The following NEMF variants were observed in gnomAD, a reference collection of about 807,000 sequenced individuals.
NEMF encodes ribosome quality control complex subunit NEMF.
Under a neutral mutation model 162.2 loss-of-function variants are expected in NEMF, and 89 were observed. The observed-to-expected ratio is 0.55, with a 90% CI of 0.46 to 0.65. NEMF has a LOEUF of 0.65. Ranked by LOEUF, NEMF falls within the 30% of genes least tolerant of loss-of-function variation. The pLI is 0.00. For missense variants in NEMF, 1,133 were observed against 1,261.9 expected, an observed-to-expected ratio of 0.90 and a Z score of 1.55; for synonymous variants, 421 against 404.5, an observed-to-expected ratio of 1.04 and a Z score of -0.49.
chr14:49,814,872 G>GA lies in NEMF; in HGVS notation c.1578-16dup, dbSNP rs1347603789. The GA allele has an allele frequency of 1.4e-6, 2 of 1,454,242 alleles. No homozygotes were observed. Among genetic ancestry groups the GA allele is most frequent in the Admixed American group, 2.2e-5 (1 of 45,702 alleles). 90.1% of individuals were successfully genotyped at this position (1,454,242 alleles called of 1,614,324 possible). ...ATTTCTCAAACCTATCAAAATGAAA[G>GA]AAAAAAAGTTAACTTTTCTTTATAG... On this transcript the variant is annotated splice_polypyrimidine_tract_variant and intron_variant, in intron 16 of 32. Coordinates refer to ENST00000298310, the MANE Select transcript of NEMF (RefSeq NM_004713.6).
Position 49,791,064 on chromosome 14 carries a change from A to G in NEMF, c.2620-1491T>C, listed in dbSNP as rs58381105. On this transcript the variant is annotated intron_variant, in intron 26 of 32. Transcript: ENST00000298310. ...AAGCATGAGCCTTCTGGCTGGGCGCAGTGGCTCACGCCTGTAATCCCAGCA... is the reference window on the plus strand; with the variant it reads ...AAGCATGAGCCTTCTGGCTGGGCGCGGTGGCTCACGCCTGTAATCCCAGCA... Among the ~76,000 whole-genome samples the G allele has an allele frequency of 1.0e-3, 152 of 152,190 alleles. No individual in the cohort carries two copies. The East Asian group carries it at 0.023, about 23-fold the overall frequency.
At chr14:49,850,033 A>G (rs1893694727) in intron 3 of NEMF, among the ~76,000 whole-genome samples, 1 of 152,184 alleles carries the variant, frequency 6.6e-6, no homozygotes, top group African/African-American at 2.4e-5. Flanking sequence ...ATACATTGCC[A>G]AAGTAAGGAG....
At chr14:49,802,833 T>C in intron 20 of NEMF, 106 bp from the exon 21 acceptor site, 2 of 763,492 alleles carry the variant, frequency 2.6e-6, no homozygotes, top group East Asian at 2.5e-5. Flanking sequence ...GTCATATCCA[T>C]TTTGTCTTTT....
chr14:49,790,854 G>A (rs1397252473), intron 26 of NEMF, among the ~76,000 whole-genome samples: 2 of 152,096 alleles, frequency 1.3e-5, no homozygotes, highest in Admixed American at 6.5e-5. Context: ...TTAGCCAGGC[G>A]TGGTGGTGCA....
At chr14:49,806,398 T>C (rs1375893559) in intron 18 of NEMF, among the ~76,000 whole-genome samples, 9 of 148,894 alleles carry the variant, frequency 6.0e-5, no homozygotes, top group Admixed American at 2.7e-4. Context: ...GTAGCTGCAA[T>C]TACCAGCGCC....
chr14:49,789,517 T>A lies in NEMF; in HGVS notation c.2676A>T (p.Glu892Asp). ...TTACCCCCAGCAACTTCATGATAAGTTCACGGTCTTCTTCATCCTGGTCTT... is the reference window on the plus strand; with the variant it reads ...TTACCCCCAGCAACTTCATGATAAGATCACGGTCTTCTTCATCCTGGTCTT... ...KYKDQDEEDR[E>D]LIMKLLGSAG... Residue 892 changes from glutamate to aspartate, a missense_variant, in exon 27 of 33, where the codon GAA (glutamate) becomes GAT (aspartate). Glu to Asp is a conservative substitution (Grantham distance 45). Coordinates refer to ENST00000298310, the MANE Select transcript of NEMF (RefSeq NM_004713.6). 9.9e-6 allele frequency: 16 copies of A among 1,612,556 alleles called. No individual in the cohort carries two copies. The highest frequency in any genetic ancestry group is 1.4e-5 in the Non-Finnish European group (16 of 1,179,688).
chr14:49,816,624 A>G (rs1035911799), intron 16 of NEMF, among the ~76,000 whole-genome samples: 1 of 152,256 alleles, frequency 6.6e-6, no homozygotes, highest in Non-Finnish European at 1.5e-5. Context: ...GCTGGCTGAC[A>G]CTTAAGGAAA....
intron 26 of NEMF, among the ~76,000 whole-genome samples, chr14:49,793,228 G>T (rs1890537502): frequency 6.6e-6 from 1 of 151,998 alleles, no homozygotes; most frequent in Admixed American, 6.6e-5. Flanking sequence ...AAAATAAAAA[G>T]ATATTAAGAC....
intron 16 of NEMF, 132 bp downstream of exon 16, chr14:49,825,735 C>A (rs1044242122): frequency 1.6e-6 from 1 of 622,488 alleles, no homozygotes; most frequent in South Asian, 2.1e-5. Context: ...CTGTCTCAAA[C>A]AAACCAACAA....
intron 25 of NEMF, among the ~76,000 whole-genome samples, chr14:49,798,362 A>C (rs1416233742): frequency 6.6e-6 from 1 of 152,202 alleles, no homozygotes; most frequent in African/African-American, 2.4e-5. Context: ...TCACTCATTG[A>C]TTTACCAAAA....
chr14:49,834,062 AT>A (rs754084178), intron 7 of NEMF: 7,473 of 383,272 alleles, frequency 0.019, no homozygotes, highest in South Asian at 0.031. Context: ...ATCTCATTCA[AT>A]TTTTTTTTTT....
chr14:49,782,783 C>A lies in NEMF; in HGVS notation c.*1853G>T, dbSNP rs188187880. ...GTAGTTTTTCAAGTGAATGTACTTC[C>A]AAACAGTAAAGTGAAATTACTTTTC... is the stretch of plus-strand genomic sequence containing the variant. On this transcript the variant is annotated 3_prime_UTR_variant, in exon 33 of 33. Transcript: ENST00000298310. 1,047 of 1,584,596 alleles carry A rather than the reference C, an allele frequency of 6.6e-4. 6 individuals are homozygous for A. The African/African-American group carries it at 0.013, about 20-fold the overall frequency.
Position 49,782,361 on chromosome 14 carries a change from T to C in NEMF, c.*2275A>G, listed in dbSNP as rs781738751. 6.9e-6 allele frequency: 11 copies of C among 1,596,066 alleles called. No homozygotes were observed. The Admixed American group carries it at 1.2e-4, about 18-fold the overall frequency. ...GGTGGCTTCAAACTCGTTTTTGTTT[T>C]AAATGCAGGTTATGGCACACAGCTT... On this transcript the variant is annotated 3_prime_UTR_variant, in exon 33 of 33. Coordinates refer to ENST00000298310, the MANE Select transcript of NEMF (RefSeq NM_004713.6).
At chr14:49,808,184 T>C (rs1891310429) in intron 18 of NEMF, among the ~76,000 whole-genome samples, 1 of 151,936 alleles carries the variant, frequency 6.6e-6, no homozygotes, top group Non-Finnish European at 1.5e-5. Flanking sequence ...TTATTTATTT[T>C]ATTTTTTGAG....
intron 16 of NEMF, among the ~76,000 whole-genome samples, chr14:49,817,502 C>T (rs1027751654): frequency 9.2e-5 from 14 of 152,056 alleles, no homozygotes; most frequent in Non-Finnish European, 8.8e-5. Flanking sequence ...AAAGAAAGCT[C>T]ATCTAGTTAC....
chr14:49,787,932 T>A (rs894441361), intron 28 of NEMF, among the ~76,000 whole-genome samples: 3 of 152,048 alleles, frequency 2.0e-5, no homozygotes, highest in Non-Finnish European at 4.4e-5. Context: ...ATAAAAAAAA[T>A]GCTGGTGACA....
At chr14:49,792,384 G>A (rs1185390980) in intron 26 of NEMF, among the ~76,000 whole-genome samples, 1 of 152,026 alleles carries the variant, frequency 6.6e-6, no homozygotes, top group African/African-American at 2.4e-5. Context: ...GCTAATTTTT[G>A]TATTTTTAAT....
chr14:49,791,735 T>TAAA (rs10586126), intron 26 of NEMF, among the ~76,000 whole-genome samples: 19 of 141,110 alleles, frequency 1.3e-4, no homozygotes, highest in African/African-American at 5.0e-4. Context: ...AGACTCCATT[T>TAAA]AAAAAAAAAA....
At chr14:49,815,260 A>G (rs1337361075) in intron 16 of NEMF, among the ~76,000 whole-genome samples, 1 of 152,186 alleles carries the variant, frequency 6.6e-6, no homozygotes, top group Middle Eastern at 3.2e-3. Flanking sequence ...CAATAAATGA[A>G]CGTAATTAAT....
Sources: allele counts gnomAD v4.1 joint callset (sites outside exome capture counted in the v4.1 genomes callset), GRCh38; gene constraint gnomAD v4.1.1; transcripts MANE v1.5; gene names NCBI Gene and HGNC (gene_info 2026-07-23, HGNC 2026-07-21).